Variants in UBE2E3 observed in about 807,000 individuals in gnomAD.
The protein encoded by UBE2E3 is ubiquitin-conjugating enzyme E2 E3.
Under a neutral mutation model 23.6 loss-of-function variants are expected in UBE2E3, and 5 were observed. That is an observed-to-expected ratio of 0.21 (90% CI 0.11 to 0.44). The LOEUF (loss-of-function observed/expected upper bound fraction) is 0.44, where lower values mean the gene tolerates loss of function less well. UBE2E3 is among the 20% of genes least tolerant of loss of function. The pLI, the probability that UBE2E3 is intolerant of heterozygous loss-of-function variation, is 0.99. For synonymous variants in UBE2E3, 78 were observed against 87.5 expected (o/e 0.89, Z 0.60); for missense variants, 81 against 249.8 (o/e 0.32, Z 4.55).
Position 180,989,770 on chromosome 2 carries a change from T to G in UBE2E3, c.245+5677T>G, listed in dbSNP as rs1464881578. 4.2e-6 allele frequency: 5 copies of G among 1,187,786 alleles called. No homozygotes were observed. The African/African-American group carries it at 6.1e-5, about 14-fold the overall frequency. The allele number at this position is 1,187,786 out of a possible 1,614,324, so 73.6% of individuals were successfully genotyped here. On this transcript the variant is annotated intron_variant, in intron 3 of 5. Transcript: ENST00000410062. ...CTTTTAAAAAAAGTTATATGTTTAC[T>G]TCGCAGCTACATGCTCACATAACCA...
chr2:180,982,363 C>T, intron 2 of UBE2E3, 127 bp downstream of exon 2: 1 of 847,142 alleles, frequency 1.2e-6, no homozygotes, highest in African/African-American at 1.7e-5. Flanking sequence ...TTTAATTGTA[C>T]TTGAATGAGT....
At chr2:180,985,593 G>T (rs1168704891) in intron 3 of UBE2E3, among the ~76,000 whole-genome samples, 2 of 152,082 alleles carry the variant, frequency 1.3e-5, no homozygotes, top group Non-Finnish European at 2.9e-5. Flanking sequence ...TAGAGAACAA[G>T]TAAATGAAAG....
At chr2:180,983,935 C>A in intron 2 of UBE2E3, 108 bp from the exon 3 acceptor site, 1 of 791,016 alleles carries the variant, frequency 1.3e-6, no homozygotes, top group Non-Finnish European at 2.0e-6. Flanking sequence ...TTACTGAAGG[C>A]AGAGCCAGCC....
intron 3 of UBE2E3, among the ~76,000 whole-genome samples, chr2:181,012,695 C>T (rs1484573470): frequency 6.6e-6 from 1 of 152,094 alleles, no homozygotes; most frequent in East Asian, 1.9e-4. Context: ...TACATATACC[C>T]ATATCCCTAG....
intron 3 of UBE2E3, among the ~76,000 whole-genome samples, chr2:181,025,984 A>T (rs776251998): frequency 6.6e-6 from 1 of 151,952 alleles, no homozygotes; most frequent in South Asian, 2.1e-4. Context: ...TTTTAACGTC[A>T]TTCAAAACAT....
chr2:181,018,993 T>A (rs1453419907), intron 3 of UBE2E3, among the ~76,000 whole-genome samples: 2 of 152,320 alleles, frequency 1.3e-5, no homozygotes, highest in East Asian at 3.9e-4. Context: ...GATGGAGTTT[T>A]GCTCTTGTCG....
intron 3 of UBE2E3, chr2:180,989,946 T>A: frequency 6.5e-7 from 1 of 1,549,046 alleles, no homozygotes; most frequent in East Asian, 2.4e-5. Context: ...ACTTGTCCTT[T>A]CAGTCTCTTC....
chr2:180,994,794 C>T (rs1384900884), intron 3 of UBE2E3, among the ~76,000 whole-genome samples: 2 of 152,092 alleles, frequency 1.3e-5, no homozygotes, highest in African/African-American at 2.4e-5. Flanking sequence ...TAAGAATCCA[C>T]AAAATATATG....
At chr2:181,029,659 C>CTTTTTTTTTTTTTTTTTTTTTTTTTTTTT (rs61149975) in intron 3 of UBE2E3, among the ~76,000 whole-genome samples, 1 of 116,852 alleles carries the variant, frequency 8.6e-6, no homozygotes, top group African/African-American at 3.3e-5. Context: ...TGTAGACAAT[C>CTTTTTTTTTTTTTTTTTTTTTTTTTTTTT]TTTTTTTTTT....
rs960698771 is a variant in UBE2E3, at chr2:180,982,003, T to G, written c.-25-15T>G. On this transcript the variant is annotated splice_polypyrimidine_tract_variant and intron_variant, in intron 1 of 5. Transcript: ENST00000410062. ...TTAACATTTTCTCCTCCTCCTCCCC[T>G]GTTCTCTTTAAAAGTTTTCCAAGAG... 2.2e-5 allele frequency: 34 copies of G among 1,562,606 alleles called. No homozygotes were observed. The highest frequency in any genetic ancestry group is 2.9e-5 in the Non-Finnish European group (33 of 1,149,720).
intron 3 of UBE2E3, among the ~76,000 whole-genome samples, chr2:181,034,024 A>G (rs1686179720): frequency 6.6e-6 from 1 of 152,152 alleles, no homozygotes; most frequent in South Asian, 2.1e-4. Context: ...AAGTCAGGAA[A>G]CAACAGGTGC....
chr2:181,003,524 G>T (rs1411422958), intron 3 of UBE2E3, among the ~76,000 whole-genome samples: 1 of 152,146 alleles, frequency 6.6e-6, no homozygotes, highest in Admixed American at 6.5e-5. Flanking sequence ...GACTTTATTT[G>T]ATATAAATTA....
At chr2:181,052,405 A>G (rs993480516) in intron 3 of UBE2E3, among the ~76,000 whole-genome samples, 1 of 151,892 alleles carries the variant, frequency 6.6e-6, no homozygotes, top group African/African-American at 2.4e-5. Flanking sequence ...AGGCTGTTAA[A>G]AGCATAAAAC....
chr2:180,986,205 C>T (rs999304459), intron 3 of UBE2E3, among the ~76,000 whole-genome samples: 7 of 152,078 alleles, frequency 4.6e-5, no homozygotes, highest in Non-Finnish European at 8.8e-5. Flanking sequence ...TCTTTCAGTT[C>T]TCAGGTTCTT....
chr2:181,056,763 T>G (rs1406958777), intron 3 of UBE2E3, among the ~76,000 whole-genome samples: 1 of 151,780 alleles, frequency 6.6e-6, no homozygotes, highest in Admixed American at 6.6e-5. Context: ...GATATTTGCC[T>G]GGTCTTGAAG....
chr2:180,985,119 C>G (rs1280674151), intron 3 of UBE2E3, among the ~76,000 whole-genome samples: 1 of 152,098 alleles, frequency 6.6e-6, no homozygotes, highest in Non-Finnish European at 1.5e-5. Context: ...TGTATGTTAA[C>G]TGGATCCTCA....
chr2:180,982,364 T>C, intron 2 of UBE2E3, 128 bp downstream of exon 2: 1 of 831,926 alleles, frequency 1.2e-6, no homozygotes, highest in South Asian at 1.7e-5. Flanking sequence ...TTAATTGTAC[T>C]TGAATGAGTT....
rs76067309 is a variant in UBE2E3, at chr2:181,026,459, A to G, written c.246-31234A>G. Among the ~76,000 whole-genome samples the G allele has an allele frequency of 1.7e-4, 26 of 151,820 alleles. 1 individual carries two copies. The East Asian group carries it at 5.0e-3, about 29-fold the overall frequency. ...TATCTTGTTTGTCTGAAGGTAGAGC[A>G]GAGACACCTCTGTGTATTGTATTTT... On this transcript the variant is annotated intron_variant, in intron 3 of 5. Transcript: ENST00000410062.
chr2:181,004,816 G>C (rs13425173), intron 3 of UBE2E3, among the ~76,000 whole-genome samples: 14,845 of 152,218 alleles, frequency 0.098, 1,362 homozygotes, highest in African/African-American at 0.23. Flanking sequence ...CGTAGTAGGT[G>C]ACAACTAAGG....
Sources: gnomAD v4.1 joint callset for allele counts (sites outside exome capture counted in the v4.1 genomes callset) on GRCh38, gnomAD v4.1.1 for gene constraint, MANE v1.5 for transcripts, NCBI Gene and HGNC (gene_info 2026-07-23, HGNC 2026-07-21) for gene names.